Variants in MROH2A observed in about 807,000 individuals in gnomAD.
MROH2A encodes maestro heat like repeat family member 2A, also known as maestro heat-like repeat-containing protein family member 2A.
In MROH2A, 174 loss-of-function variants were observed where a neutral mutation model predicts 200.4. The ratio of observed to expected loss-of-function variants is 0.87; its 90% CI spans 0.77 to 0.98. The LOEUF is 0.98. MROH2A is among the 50% of genes least tolerant of loss of function. The pLI is 0.00. For missense variants in MROH2A, 2,045 were observed against 2,139.6 expected, an observed-to-expected ratio of 0.96 and a Z score of 0.87; for synonymous variants, 829 against 840.4, an observed-to-expected ratio of 0.99 and a Z score of 0.23.
intron 5 of MROH2A, among the ~76,000 whole-genome samples, chr2:233,790,440 T>C (rs13022508): frequency 0.11 from 3,280 of 31,086 alleles, 396 homozygotes; most frequent in African/African-American, 0.26. Flanking sequence ...TCTCCTTCCT[T>C]CCTCCCTCCC....
chr2:233,822,965 G>A lies in MROH2A; in HGVS notation c.3951G>A (p.Trp1317Ter). 6.4e-7 allele frequency: 1 copy of A among 1,550,574 alleles called. No homozygotes were observed. Among genetic ancestry groups the A allele is most frequent in the Non-Finnish European group, 8.7e-7 (1 of 1,146,968 alleles). Residue 1317 changes from tryptophan (W) to a stop codon, truncating the protein, a stop_gained, in exon 34 of 42, where the codon TGG becomes TGA. Transcript: ENST00000389758. LOFTEE classifies it high-confidence loss of function. ...ATACCCTGGACGAGCAGGCAGTGTG[G>A]GACCTCCTGCAGGACGGCGGGACAT... is the stretch of plus-strand genomic sequence containing the variant. ...LAHTLDEQAV[W>*]DLLQDGGTFL...
At chr2:233,818,230 G>A in intron 28 of MROH2A, 105 bp downstream of exon 28, 1 of 1,377,872 alleles carries the variant, frequency 7.3e-7, no homozygotes, top group Non-Finnish European at 9.8e-7. Context: ...TGGCCTCTGT[G>A]CAGGCAGGCA....
At chr2:233,779,587 A>G (rs1303931259) in intron 2 of MROH2A, 84 bp from the exon 3 acceptor site, 15 of 1,453,720 alleles carry the variant, frequency 1.0e-5, no homozygotes, top group African/African-American at 1.4e-5. Context: ...GGAGCTGCGC[A>G]GGTGGAGGCA....
At chr2:233,808,174 G>A (rs1702926303) in intron 21 of MROH2A, among the ~76,000 whole-genome samples, 1 of 152,130 alleles carries the variant, frequency 6.6e-6, no homozygotes, top group South Asian at 2.1e-4. Context: ...AGAGTCCCAG[G>A]CCCCACACAG....
Position 233,829,679 on chromosome 2 carries a change from C to T in MROH2A, c.4506C>T (p.Val1502=), listed in dbSNP as rs1335726440. 14 of 1,490,860 alleles carry T rather than the reference C, an allele frequency of 9.4e-6. No homozygotes were observed. In the South Asian group the frequency reaches 1.1e-4, roughly 11 times the overall value. 92.4% of individuals were successfully genotyped at this position (1,490,860 alleles called of 1,614,324 possible). The change falls in exon 38 of 42, where the codon GTC becomes GTT. Residue 1502 remains valine, a synonymous_variant. Transcript: ENST00000389758. ...TCTTTGGAAAGCTGGCAAGGGTGGT[C>T]GGGATGTCCAAGAAGCATTTCTTCA... ...FILFGKLARV[V]GMSKKHFFKG...
intron 21 of MROH2A, 46 bp from the exon 22 acceptor site, chr2:233,809,080 C>A: frequency 6.6e-7 from 1 of 1,522,322 alleles, no homozygotes; most frequent in Admixed American, 2.0e-5. Flanking sequence ...GCATCTGGAG[C>A]AGCCCCTGCT....
At chr2:233,817,027 A>T in intron 27 of MROH2A, 142 bp downstream of exon 27, 2 of 564,876 alleles carry the variant, frequency 3.5e-6, no homozygotes, top group Non-Finnish European at 6.3e-6. Context: ...GCAGTGACCT[A>T]GTGCCCTGGG....
intron 35 of MROH2A, among the ~76,000 whole-genome samples, chr2:233,825,119 G>C (rs1442932224): frequency 6.6e-6 from 1 of 152,112 alleles, no homozygotes; most frequent in East Asian, 1.9e-4. Flanking sequence ...TTGGCTCTCT[G>C]CTTGCCTGTT....
rs1479901351 is a variant in MROH2A at position 233,823,483 on chromosome 2, C to T, written c.4005-73C>T. 9 of 1,505,200 alleles carry T rather than the reference C, an allele frequency of 6.0e-6. No individual in the cohort carries two copies. In the Admixed American group the frequency reaches 1.4e-4, roughly 24 times the overall value. The allele number at this position is 1,505,200 out of a possible 1,614,324, so 93.2% of individuals were successfully genotyped here. On this transcript the variant is annotated intron_variant, in intron 34 of 41. Coordinates refer to ENST00000389758, the MANE Select transcript of MROH2A (RefSeq NM_001394639.1). ...CCAGGGTCCAGGCACCGATGTGGCC[C>T]TGCCCAGCTCTTGGCAAACGTCAGG...
chr2:233,807,950 C>A lies in MROH2A; in HGVS notation c.2295+95C>A. 1 of 1,479,678 alleles carries A rather than the reference C, an allele frequency of 6.8e-7. No homozygotes were observed. The allele number at this position is 1,479,678 out of a possible 1,614,324, so 91.7% of individuals were successfully genotyped here. A position where few individuals can be genotyped will look rare whatever the true frequency, so the allele number is the denominator to read the frequency against. On this transcript the variant is annotated intron_variant, in intron 21 of 41. Transcript: ENST00000389758. The surrounding 1 kb of genome is among the most constrained non-coding windows in gnomAD (Gnocchi z 4.3). Reference sequence around the variant, plus strand: ...GTCCTTTCTAGATCTCAGTAGGAAACTTGCCTCACACGGAGTCTCCTGTCA... The same window carrying A: ...GTCCTTTCTAGATCTCAGTAGGAAAATTGCCTCACACGGAGTCTCCTGTCA...
At chr2:233,833,085 T>G (rs1208071956) in intron 41 of MROH2A, 53 bp from the exon 42 acceptor site, 1 of 1,483,174 alleles carries the variant, frequency 6.7e-7, no homozygotes, top group African/African-American at 1.4e-5. Flanking sequence ...GCATGCAGCA[T>G]GTGGTCCTGA....
chr2:233,812,580 T>C (rs1703232162), intron 24 of MROH2A, among the ~76,000 whole-genome samples: 1 of 152,160 alleles, frequency 6.6e-6, no homozygotes, highest in Non-Finnish European at 1.5e-5. Flanking sequence ...GTCATGAACA[T>C]CAACTAAGCA....
In MROH2A at chr2:233,813,701, A is replaced by G; in HGVS notation, c.2683A>G (p.Asn895Asp). 1 of 1,550,196 alleles carries G rather than the reference A, an allele frequency of 6.5e-7. No individual in the cohort carries two copies. Among genetic ancestry groups the G allele is most frequent in the Non-Finnish European group, 8.7e-7 (1 of 1,146,682 alleles). ...KLKPFYSTEE[N>D]SELMDISIHS... ...GAAGCCTTTCTACTCCACAGAGGAA[A>G]ACAGTGAGCTGATGGATATCAGCAT... is the stretch of plus-strand genomic sequence containing the variant. The change falls in exon 25 of 42, where the codon AAC (asparagine) becomes GAC (aspartate). Residue 895 changes from asparagine (N) to aspartate (D), a missense_variant. Asn to Asp is a conservative substitution (Grantham distance 23, BLOSUM62 1). This residue lies in a region of MROH2A where 1,201 missense variants were observed against 1,311.3 expected (regional missense o/e 0.92). Coordinates refer to ENST00000389758, the MANE Select transcript of MROH2A (RefSeq NM_001394639.1).
At chr2:233,832,400 A>T in intron 40 of MROH2A, 121 bp downstream of exon 40, 2 of 982,626 alleles carry the variant, frequency 2.0e-6, no homozygotes, top group Non-Finnish European at 3.1e-6. Flanking sequence ...ACCAGAGCTC[A>T]GGTCTAAGCC....
intron 3 of MROH2A, among the ~76,000 whole-genome samples, chr2:233,783,971 C>T (rs11690786): frequency 0.31 from 47,496 of 151,582 alleles, 7,670 homozygotes; most frequent in South Asian, 0.37. Context: ...AAATATTTAT[C>T]AATTTTGTTT....
At chr2:233,787,358 G>A (rs1016076508) in intron 3 of MROH2A, among the ~76,000 whole-genome samples, 2 of 147,848 alleles carry the variant, frequency 1.4e-5, no homozygotes, top group African/African-American at 2.5e-5. Flanking sequence ...CTAGTTCTTG[G>A]GGGACAAAGA....
chr2:233,779,816 G>A lies in MROH2A; in HGVS notation c.240G>A (p.Val80=). Residue 80 remains valine (V), a synonymous_variant, in exon 3 of 42, where the codon GTG becomes GTA. Transcript: ENST00000389758. ...MEKATTEPSV[V]INTLIRCLQV... Reference sequence around the variant, plus strand: ...AGGCCACCACTGAGCCTTCTGTAGTGATAAACACTCTCATCCGCTGCCTGC... The same window carrying A: ...AGGCCACCACTGAGCCTTCTGTAGTAATAAACACTCTCATCCGCTGCCTGC... 6.4e-7 allele frequency: 1 copy of A among 1,550,564 alleles called. No individual in the cohort carries two copies. Among genetic ancestry groups the A allele is most frequent in the Non-Finnish European group, 8.7e-7 (1 of 1,147,000 alleles).
chr2:233,803,580 G>T (rs1702608828), intron 16 of MROH2A, 92 bp downstream of exon 16: 3 of 1,372,042 alleles, frequency 2.2e-6, no homozygotes, highest in East Asian at 2.5e-5. Context: ...AGCCCCAGGG[G>T]TATGAGGAAG....
chr2:233,821,470 AC>A (rs1028153663), intron 31 of MROH2A, among the ~76,000 whole-genome samples: 52 of 152,300 alleles, frequency 3.4e-4, no homozygotes, highest in African/African-American at 1.2e-3. Context: ...TAGTCAGTTT[AC>A]ACATCTCTTT....
Sources: gnomAD v4.1 joint callset for allele counts (sites outside exome capture counted in the v4.1 genomes callset) on GRCh38, gnomAD v4.1.1 for gene constraint, gnomAD v4.1.1 regional missense constraint, Gnocchi (gnomAD v3.1) non-coding constraint, MANE v1.5 for transcripts, NCBI Gene and HGNC (gene_info 2026-07-23, HGNC 2026-07-21) for gene names.